The following TFG variants were observed in gnomAD, a reference collection of about 807,000 sequenced individuals.
TFG encodes the protein trafficking from ER to golgi regulator, also known as protein TFG.
Under a neutral mutation model 51.4 loss-of-function variants are expected in TFG, and 22 were observed. That is an observed-to-expected ratio of 0.43 (90% CI 0.31 to 0.61). The LOEUF (loss-of-function observed/expected upper bound fraction) is 0.61, where lower values mean the gene tolerates loss of function less well. Among genes scored for constraint, TFG ranks in the 20% least tolerant of loss-of-function variants. TFG has a pLI of 0.12. For synonymous variants in TFG, 187 were observed against 165.6 expected (o/e 1.13, Z -0.99); for missense variants, 419 against 487.7 (o/e 0.86, Z 1.33).
intron 6 of TFG, among the ~76,000 whole-genome samples, chr3:100,737,694 C>T (rs903390290): frequency 4.6e-5 from 7 of 152,146 alleles, no homozygotes; most frequent in African/African-American, 1.7e-4. Flanking sequence ...AAAAACAAAA[C>T]ATAGGCTAAA....
intron 3 of TFG, among the ~76,000 whole-genome samples, chr3:100,722,176 A>T (rs76071304): frequency 6.6e-6 from 1 of 152,210 alleles, no homozygotes; most frequent in Non-Finnish European, 1.5e-5. Flanking sequence ...AAACGAGAAC[A>T]TAAGAGCAAG....
Position 100,748,707 on chromosome 3 carries a change from A to AAAGT in TFG, c.*177_*180dup. 2 of 741,882 alleles carry AAAGT rather than the reference A, an allele frequency of 2.7e-6. No individual in the cohort carries two copies. Among genetic ancestry groups the AAAGT allele is most frequent in the South Asian group, 5.1e-5 (2 of 39,018 alleles). 46.0% of individuals were successfully genotyped at this position (741,882 alleles called of 1,614,324 possible). A position where few individuals can be genotyped will look rare whatever the true frequency, so the allele number is the denominator to read the frequency against. ...TTGCTGGAACACAAAGACCAAAATG[A>AAAGT]AAGTTTTTTCCTCCCTGCTTAAAAA... On this transcript the variant is annotated 3_prime_UTR_variant, in exon 8 of 8. Transcript: ENST00000240851.
At chr3:100,728,603 C>A in intron 3 of TFG, 109 bp from the exon 4 acceptor site, 1 of 868,080 alleles carries the variant, frequency 1.2e-6, no homozygotes, top group South Asian at 2.3e-5. Flanking sequence ...ACATTGATAT[C>A]TTGTTTTTGT....
chr3:100,744,987 A>T (rs2095131239), intron 7 of TFG, 56 bp downstream of exon 7: 1 of 1,072,968 alleles, frequency 9.3e-7, no homozygotes, highest in Admixed American at 2.1e-5. Flanking sequence ...ATACTCATTA[A>T]ACTTTAAGTT....
At chr3:100,744,258 T>TTTAA (rs1335722191) in intron 6 of TFG, 1 of 152,228 alleles carries the variant, frequency 6.6e-6, no homozygotes, top group African/African-American at 2.4e-5. Context: ...TTAGACTTTA[T>TTTAA]TAGAGTCCAC....
intron 5 of TFG, among the ~76,000 whole-genome samples, chr3:100,733,400 C>T (rs996376712): frequency 1.3e-5 from 2 of 152,122 alleles, no homozygotes; most frequent in African/African-American, 4.8e-5. Context: ...ATTGTGCTTT[C>T]AGCTCTAGAA....
chr3:100,715,673 C>T (rs1407028661), intron 2 of TFG, among the ~76,000 whole-genome samples: 1 of 151,714 alleles, frequency 6.6e-6, no homozygotes, highest in Non-Finnish European at 1.5e-5. Flanking sequence ...GCTTATCATA[C>T]ATTGATTTGC....
chr3:100,721,198 T>A (rs1175698585), intron 3 of TFG, among the ~76,000 whole-genome samples: 1 of 152,206 alleles, frequency 6.6e-6, no homozygotes, highest in East Asian at 1.9e-4. Flanking sequence ...TTAAACAGGA[T>A]CTGCTAGATA....
chr3:100,748,453 A>C lies in TFG; in HGVS notation c.1125A>C (p.Pro375=). Residue 375 remains proline (P), a synonymous_variant, in exon 8 of 8, where the codon CCA becomes CCC. Coordinates refer to ENST00000240851, the MANE Select transcript of TFG (RefSeq NM_006070.6). The stretch of plus-strand genomic sequence containing the variant: ...CTGGAAGTACCATGACCCCTCCTCC[A>C]AGTGGGCCTAATCCTTATGCGCGTA... ...SLPGSTMTPP[P]SGPNPYARNR... 6.2e-7 allele frequency: 1 copy of C among 1,614,026 alleles called. No homozygotes were observed. Among genetic ancestry groups the C allele is most frequent in the Non-Finnish European group, 8.5e-7 (1 of 1,179,970 alleles).
At chr3:100,733,269 T>A (rs2095096871) in intron 5 of TFG, among the ~76,000 whole-genome samples, 1 of 152,172 alleles carries the variant, frequency 6.6e-6, no homozygotes, top group Non-Finnish European at 1.5e-5. Flanking sequence ...GTCTCATGGG[T>A]CATTAAGGTT....
Position 100,748,909 on chromosome 3 carries a change from G to GATATT in TFG, c.*381_*385dup, listed in dbSNP as rs1042758298. 18 of 222,712 alleles carry GATATT rather than the reference G, an allele frequency of 8.1e-5. No homozygotes were observed. The highest frequency in any genetic ancestry group is 4.1e-4 in the African/African-American group (18 of 44,374). 13.8% of individuals were successfully genotyped at this position (222,712 alleles called of 1,614,324 possible). On this transcript the variant is annotated 3_prime_UTR_variant, in exon 8 of 8. Transcript: ENST00000240851. ...AAAGTAGAGCCCTTTGAGAATACAA[G>GATATT]ATATTATGTATAAAATGTAACACTG...
chr3:100,726,192 A>G (rs1277589557), intron 3 of TFG, among the ~76,000 whole-genome samples: 4 of 152,222 alleles, frequency 2.6e-5, no homozygotes, highest in Non-Finnish European at 5.9e-5. Context: ...CAAAGGCCAA[A>G]AAACCTGGAG....
intron 3 of TFG, among the ~76,000 whole-genome samples, chr3:100,724,719 A>C (rs960877504): frequency 6.6e-5 from 10 of 152,244 alleles, no homozygotes; most frequent in African/African-American, 2.4e-4. Context: ...CAAACTCATC[A>C]GTGAATATTT....
intron 6 of TFG, chr3:100,742,396 G>C (rs1030496469): frequency 6.6e-6 from 1 of 152,152 alleles, no homozygotes; most frequent in South Asian, 2.1e-4. Flanking sequence ...GTGAGTTATA[G>C]ATACATTTAA....
At chr3:100,745,752 A>G (rs534318421) in intron 7 of TFG, among the ~76,000 whole-genome samples, 28 of 152,346 alleles carry the variant, frequency 1.8e-4, no homozygotes, top group African/African-American at 6.3e-4. Flanking sequence ...CTAGAGCAGG[A>G]GTCAGTAAAG....
At chr3:100,716,060 T>C (rs2095045012) in intron 2 of TFG, among the ~76,000 whole-genome samples, 1 of 152,184 alleles carries the variant, frequency 6.6e-6, no homozygotes, top group Admixed American at 6.5e-5. Flanking sequence ...TTTATTTCTT[T>C]GGGTTAGAAA....
chr3:100,724,351 A>G (rs2095069086), intron 3 of TFG, among the ~76,000 whole-genome samples: 1 of 152,202 alleles, frequency 6.6e-6, no homozygotes, highest in Non-Finnish European at 1.5e-5. Context: ...AATGTTAGAA[A>G]TGAAGTTTAT....
At chr3:100,743,424 A>G (rs116251760) in intron 6 of TFG, 57 of 152,328 alleles carry the variant, frequency 3.7e-4, no homozygotes, top group African/African-American at 1.3e-3. Context: ...AGTACAATCC[A>G]GGATTAAGGT....
chr3:100,714,005 A>T (rs1018147785), intron 2 of TFG, 136 bp downstream of exon 2: 1 of 475,470 alleles, frequency 2.1e-6, no homozygotes, highest in Non-Finnish European at 3.5e-6. Context: ...GGCTCAAGCA[A>T]TCCTGCCTCG....
Sources: gnomAD v4.1 joint callset for allele counts (sites outside exome capture counted in the v4.1 genomes callset) on GRCh38, gnomAD v4.1.1 for gene constraint, MANE v1.5 for transcripts, NCBI Gene and HGNC (gene_info 2026-07-23, HGNC 2026-07-21) for gene names.